Variants in DDX56 observed in about 807,000 individuals in gnomAD.
DDX56 encodes the protein DEAD-box helicase 56, also known as probable ATP-dependent RNA helicase DDX56.
A neutral mutation model predicts 61.5 loss-of-function variants in DDX56; 45 were observed. The observed-to-expected ratio is 0.73, with a 90% CI of 0.58 to 0.94. The LOEUF (loss-of-function observed/expected upper bound fraction) is 0.94, where lower values mean the gene tolerates loss of function less well. Among genes scored for constraint, DDX56 ranks in the 40% least tolerant of loss-of-function variants. DDX56 has a pLI of 0.00. For synonymous variants in DDX56, 273 were observed against 268.3 expected (o/e 1.02, Z -0.17); for missense variants, 708 against 690.7 (o/e 1.02, Z -0.28).
chr7:44,566,178 C>A, intron 13 of DDX56, 99 bp from the exon 14 acceptor site: 1 of 744,148 alleles, frequency 1.3e-6, no homozygotes, highest in Non-Finnish European at 2.2e-6. Flanking sequence ...GGAGCCGTGC[C>A]GGCAACTGGC....
Position 44,567,041 on chromosome 7 carries a change from C to G in DDX56, c.1490-517G>C, listed in dbSNP as rs111735818. Reference sequence around the variant, plus strand: ...CACCTTGGCAAATGACTCCGCTATACGAGCAGACTGGGTTCCTGAGGCCAA... The same window carrying G: ...CACCTTGGCAAATGACTCCGCTATAGGAGCAGACTGGGTTCCTGAGGCCAA... On this transcript the variant is annotated intron_variant, in intron 12 of 13. Coordinates refer to ENST00000258772, the MANE Select transcript of DDX56 (RefSeq NM_019082.4). Among the ~76,000 whole-genome samples, 1,111 of 152,216 alleles carry G rather than the reference C, an allele frequency of 7.3e-3. 10 individuals carry two copies. The highest frequency in any genetic ancestry group is 0.024 in the African/African-American group (1,005 of 41,516).
At chr7:44,566,784 G>C (rs910385141) in intron 12 of DDX56, among the ~76,000 whole-genome samples, 1 of 152,104 alleles carries the variant, frequency 6.6e-6, no homozygotes, top group Non-Finnish European at 1.5e-5. Context: ...CTTAAAGAAA[G>C]AAAATGCAGC....
Position 44,572,992 on chromosome 7 carries a change from A to G in DDX56, c.281T>C (p.Leu94Pro). 6.2e-7 allele frequency: 1 copy of G among 1,613,086 alleles called. No homozygotes were observed. Among genetic ancestry groups the G allele is most frequent in the Non-Finnish European group, 8.5e-7 (1 of 1,179,480 alleles). The change falls in exon 3 of 14, where the codon CTG becomes CCG. Residue 94 changes from leucine to proline, a missense_variant. Transcript: ENST00000258772. ...AATCATGGACTGTGCTTGCCGTGCC[A>G]GCTCCTTGGTAGGAACAAGAACAAG... ...RGLVLVPTKE[L>P]ARQAQSMIQQ...
chr7:44,565,946 G>T lies in DDX56; in HGVS notation c.*56C>A, dbSNP rs1361194609. 2.9e-6 allele frequency: 4 copies of T among 1,378,832 alleles called. No homozygotes were observed. The highest frequency in any genetic ancestry group is 2.8e-5 in the African/African-American group (2 of 70,570). 85.4% of individuals were successfully genotyped at this position (1,378,832 alleles called of 1,614,324 possible). The stretch of plus-strand genomic sequence containing the variant: ...AAGCACCAGAGCCTCGCCTGTCCAC[G>T]AAGGGTGTAAGCCTGTGCTCCACAA... On this transcript the variant is annotated 3_prime_UTR_variant, in exon 14 of 14. Transcript: ENST00000258772.
At chr7:44,567,909 G>A in intron 12 of DDX56, 1 of 594,016 alleles carries the variant, frequency 1.7e-6, no homozygotes, top group South Asian at 1.9e-5. Flanking sequence ...TCTCTAAAAT[G>A]GAGACAGCAA....
Position 44,573,466 on chromosome 7 carries a change from T to G in DDX56, c.222+117A>C, listed in dbSNP as rs186960502. 9.1e-4 allele frequency: 1,251 copies of G among 1,370,412 alleles called. 9 individuals carry two copies. The African/African-American group carries it at 0.016, about 18-fold the overall frequency. 84.9% of individuals were successfully genotyped at this position (1,370,412 alleles called of 1,614,324 possible). On this transcript the variant is annotated intron_variant, in intron 2 of 13. Coordinates refer to ENST00000258772, the MANE Select transcript of DDX56 (RefSeq NM_019082.4). ...AGTGTTTGCCACAACAGCACCAGGT[T>G]CTCAGGCCGGCCTGCACGGGTACAG...
chr7:44,566,457 C>A lies in DDX56; in HGVS notation c.1557G>T (p.Arg519Ser). The A allele has an allele frequency of 6.4e-7, 1 of 1,556,772 alleles. No homozygotes were observed. The highest frequency in any genetic ancestry group is 2.4e-5 in the East Asian group (1 of 41,226). ...KKRKKLSSSC[R>S]KAKRAKSQNP... Reference sequence around the variant, plus strand: ...TCCCCAGGAGCCGTACCTTGGCCTTCCTACAAGAGGAAGACAGCTTCTTCC... The same window carrying A: ...TCCCCAGGAGCCGTACCTTGGCCTTACTACAAGAGGAAGACAGCTTCTTCC... The change falls in exon 13 of 14, where the codon AGG (arginine) becomes AGT (serine). Residue 519 changes from arginine (R) to serine (S), a missense_variant. Coordinates refer to ENST00000258772, the MANE Select transcript of DDX56 (RefSeq NM_019082.4).
chr7:44,569,437 C>T (rs1802619058), intron 9 of DDX56, among the ~76,000 whole-genome samples: 1 of 152,170 alleles, frequency 6.6e-6, no homozygotes, highest in African/African-American at 2.4e-5. Flanking sequence ...CCGTCACCCA[C>T]TCTCTTCTCC....
At position 44,571,596 on chromosome 7, in the gene DDX56, CAG is replaced by C; in HGVS notation, c.784_785del (p.Leu262AlafsTer54). ...TCCGTTCTAGAGTGTTGACAAAGAG[CAG>C]AGACTTGCCCCGAATCAATGACAGC... Reference protein sequence around the residue: ...LKLSLIRGKSLLFVNTLERSY... With the variant: ...LKLSLIRGKSXLFVNTLERSY... On this transcript the variant is annotated frameshift_variant, in exon 6 of 14. Coordinates refer to ENST00000258772, the MANE Select transcript of DDX56 (RefSeq NM_019082.4). LOFTEE classifies it high-confidence loss of function. The C allele has an allele frequency of 1.2e-6, 2 of 1,614,162 alleles. No homozygotes were observed. Among genetic ancestry groups the C allele is most frequent in the Non-Finnish European group, 1.7e-6 (2 of 1,180,040 alleles).
In DDX56 at chr7:44,571,636, T is replaced by C. The variant is rs41279639; in HGVS notation, c.746A>G (p.Tyr249Cys). Residue 249 changes from tyrosine (Y) to cysteine (C), a missense_variant, in exon 6 of 14, where the codon TAT becomes TGT. Tyr to Cys is a radical substitution (Grantham distance 194). Transcript: ENST00000258772. ...ETEEDKFLLL[Y>C]ALLKLSLIRG... ...AATCAATGACAGCTTGAGCAGGGCA[T>C]ACAGCAGGAGGAATTTGTCTTCCTC... is the stretch of plus-strand genomic sequence containing the variant. The C allele has an allele frequency of 8.7e-3, 14,068 of 1,614,180 alleles. 145 individuals are homozygous for C. The highest frequency in any genetic ancestry group is 0.029 in the East Asian group (1,301 of 44,884).
In DDX56 at chr7:44,568,204, G is replaced by A. The variant is rs1802588999; in HGVS notation, c.1403C>T (p.Pro468Leu). ...EKLKTYFEDNPRDLQLLRHDL... is the reference protein window; with the variant it reads ...EKLKTYFEDNLRDLQLLRHDL... ...ATGCCGCAGCAGCTGGAGGTCCCTA[G>A]GGTTGTCTTCAAAGTATGTCTGCCG... The change falls in exon 12 of 14, where the codon CCT becomes CTT. Residue 468 changes from proline to leucine, a missense_variant. Pro to Leu is a moderately conservative substitution (Grantham distance 98). Transcript: ENST00000258772. The A allele has an allele frequency of 1.9e-6, 3 of 1,612,038 alleles. No homozygotes were observed. Among genetic ancestry groups the A allele is most frequent in the African/African-American group, 1.3e-5 (1 of 74,904 alleles).
At position 44,570,038 on chromosome 7, in the gene DDX56, C is replaced by T. The variant is rs1309599047; in HGVS notation, c.1101G>A (p.Glu367=). ...VLNFDLPPTP[E]AYIHRAGRTA... is the part of the protein sequence containing the mutation. ...ACCTGCCAGCTCGATGGATGTAGGC[C>T]TCAGGGGTTGGGGGAAGATCAAAGT... Residue 367 remains glutamate (E), a synonymous_variant, in exon 8 of 14, where the codon GAG becomes GAA. Coordinates refer to ENST00000258772, the MANE Select transcript of DDX56 (RefSeq NM_019082.4). 2 of 1,614,070 alleles carry T rather than the reference C, an allele frequency of 1.2e-6. No individual in the cohort carries two copies. The highest frequency in any genetic ancestry group is 2.7e-5 in the African/African-American group (2 of 74,928).
In DDX56 at chr7:44,570,130, T is replaced by G; in HGVS notation, c.1011-2A>C. On this transcript the variant is annotated splice_acceptor_variant, in intron 7 of 13. Transcript: ENST00000258772. LOFTEE classifies it high-confidence loss of function. ...ACACCTGCTTCCGGATCAGAGGCCC[T>G]GCAGAGATAACTCAATGTCAGCCGG... The G allele has an allele frequency of 6.2e-7, 1 of 1,613,800 alleles. No individual in the cohort carries two copies. The highest frequency in any genetic ancestry group is 8.5e-7 in the Non-Finnish European group (1 of 1,179,988).
intron 5 of DDX56, 92 bp from the exon 6 acceptor site, chr7:44,571,828 G>A (rs1239305456): frequency 1.3e-6 from 2 of 1,522,774 alleles, no homozygotes; most frequent in Non-Finnish European, 1.8e-6. Context: ...ACATTTTAGT[G>A]CAGGGCAGAG....
Position 44,569,814 on chromosome 7 carries a change from C to A in DDX56, c.1214G>T (p.Ser405Ile). ...CACAAGAGCCAGGCTCTTACCTCCA[C>A]TGAGAAGCTCCTCAATCTTGCCTAA... Reference protein sequence around the residue: ...FHLGKIEELLSGENRGPILLP... With the variant: ...FHLGKIEELLIGENRGPILLP... The change falls in exon 9 of 14, where the codon AGT (serine) becomes ATT (isoleucine). Residue 405 changes from serine (S) to isoleucine (I), a missense_variant. Ser to Ile is a moderately radical substitution (Grantham distance 142). Coordinates refer to ENST00000258772, the MANE Select transcript of DDX56 (RefSeq NM_019082.4). 3.1e-6 allele frequency: 5 copies of A among 1,606,638 alleles called. No homozygotes were observed. The Middle Eastern group carries it at 5.0e-4, about 159-fold the overall frequency.
At position 44,570,860 on chromosome 7, in the gene DDX56, T is replaced by C; in HGVS notation, c.908A>G (p.Gln303Arg). ...ACAGTCGTAGAAGCCTTGGTTGAAC[T>C]GTGAGATGATGTGGCACCTGCAGCC... The part of the protein sequence containing the change: ...PLRSRCHIIS[Q>R]FNQGFYDCVI... Residue 303 changes from glutamine (Q) to arginine (R), a missense_variant, in exon 7 of 14, where the codon CAG becomes CGG. Transcript: ENST00000258772. 6.2e-7 allele frequency: 1 copy of C among 1,612,584 alleles called. No individual in the cohort carries two copies. The highest frequency in any genetic ancestry group is 8.5e-7 in the Non-Finnish European group (1 of 1,178,716).
chr7:44,568,371 A>C, intron 11 of DDX56, 148 bp from the exon 12 acceptor site: 2 of 619,554 alleles, frequency 3.2e-6, no homozygotes, highest in Non-Finnish European at 5.6e-6. Context: ...CCGGGAGTGG[A>C]TGTTTCCATT....
chr7:44,572,344 T>TA lies in DDX56; in HGVS notation c.645+2dup, dbSNP rs765251396. 5.0e-6 allele frequency: 8 copies of TA among 1,613,292 alleles called. No individual in the cohort carries two copies. In the East Asian group the frequency reaches 1.8e-4, roughly 36 times the overall value. On this transcript the variant is annotated splice_region_variant and intron_variant, in intron 5 of 13. Transcript: ENST00000258772. The stretch of plus-strand genomic sequence containing the variant: ...CTCCAGACACTTCCATGGTGCCTCT[T>TA]ACCGGGTTATGTAATATCAGCTCCT...
chr7:44,572,956 G>A lies in DDX56; in HGVS notation c.317C>T (p.Ala106Val), dbSNP rs1168767679. ...RQAQSMIQQL[A>V]TYCARDVRVA... ...TCGGACATCCCGAGCACAGTAGGTA[G>A]CCAGCTGCTGAATCATGGACTGTGC... The change falls in exon 3 of 14, where the codon GCT becomes GTT. Residue 106 changes from alanine to valine, a missense_variant. Physicochemically the swap from Ala to Val is moderately conservative, Grantham distance 64 (BLOSUM62 0). Transcript: ENST00000258772. The A allele has an allele frequency of 6.2e-7, 1 of 1,613,278 alleles. No individual in the cohort carries two copies. Among genetic ancestry groups the A allele is most frequent in the Admixed American group, 1.7e-5 (1 of 59,904 alleles).
Sources: gnomAD v4.1 joint callset for allele counts (sites outside exome capture counted in the v4.1 genomes callset) on GRCh38, gnomAD v4.1.1 for gene constraint, MANE v1.5 for transcripts, NCBI Gene and HGNC (gene_info 2026-07-23, HGNC 2026-07-21) for gene names.